Variants in TBCD observed in about 807,000 individuals in gnomAD.
TBCD encodes tubulin folding cofactor D, also known as tubulin-specific chaperone D.
A neutral mutation model predicts 169.3 loss-of-function variants in TBCD; 105 were observed. That is an observed-to-expected ratio of 0.62 (90% CI 0.53 to 0.73). The LOEUF (loss-of-function observed/expected upper bound fraction) is 0.73. Ranked by LOEUF, TBCD falls within the 30% of genes least tolerant of loss-of-function variation. TBCD has a pLI of 0.00. For synonymous variants in TBCD, 700 were observed against 643.9 expected (o/e 1.09, Z -1.32); for missense variants, 1,444 against 1,600.1 (o/e 0.90, Z 1.66).
At chr17:82,900,628 C>G (rs779108155) in intron 17 of TBCD, 23 bp from the exon 18 acceptor site, 1 of 1,606,650 alleles carries the variant, frequency 6.2e-7, no homozygotes. Context: ...CGTCTCACCA[C>G]CTCTCCATGC....
intron 13 of TBCD, chr17:82,830,844 C>G: frequency 6.2e-7 from 1 of 1,612,862 alleles, no homozygotes; most frequent in Non-Finnish European, 8.5e-7. Context: ...CGCTTCCGGT[C>G]GGAGCAGGAG....
chr17:82,904,390 TG>T, intron 19 of TBCD, among the ~76,000 whole-genome samples: 1 of 152,144 alleles, frequency 6.6e-6, no homozygotes, highest in East Asian at 1.9e-4. Flanking sequence ...GGTCTCTAGG[TG>T]GCTTGCACCT....
At chr17:82,760,463 T>C (rs938156856) in intron 2 of TBCD, among the ~76,000 whole-genome samples, 3 of 152,214 alleles carry the variant, frequency 2.0e-5, no homozygotes, top group African/African-American at 4.8e-5. Context: ...GACTTTTTTT[T>C]AGGTTTATTT....
At chr17:82,798,023 C>T (rs982541281) in intron 8 of TBCD, among the ~76,000 whole-genome samples, 1 of 119,808 alleles carries the variant, frequency 8.3e-6, no homozygotes, top group African/African-American at 3.2e-5. Flanking sequence ...GTTGCCCAGG[C>T]TGGATTGCAG....
Position 82,815,680 on chromosome 17 carries a change from C to A in TBCD, c.1318+746C>A, listed in dbSNP as rs189415316. Among the ~76,000 whole-genome samples the A allele has an allele frequency of 4.6e-4, 70 of 152,266 alleles. No homozygotes were observed. The East Asian group carries it at 0.012, about 26-fold the overall frequency. On this transcript the variant is annotated intron_variant, in intron 13 of 38. Coordinates refer to ENST00000355528, the MANE Select transcript of TBCD (RefSeq NM_005993.5). ...TGTCTGTACAGGATAGAGTGGGGGC[C>A]CATCCTGAGAGGGCCTCACCACAGA... is the stretch of plus-strand genomic sequence containing the variant.
At chr17:82,836,435 A>G (rs2145361584) in intron 13 of TBCD, among the ~76,000 whole-genome samples, 1 of 152,376 alleles carries the variant, frequency 6.6e-6, no homozygotes, top group East Asian at 1.9e-4. Flanking sequence ...ATCAAGTGAG[A>G]GCTGCGTCCT....
Position 82,829,025 on chromosome 17 carries a change from GCA to G in TBCD, c.1318+14097_1318+14098del, listed in dbSNP as rs569008956. On this transcript the variant is annotated intron_variant, in intron 13 of 38. Coordinates refer to ENST00000355528, the MANE Select transcript of TBCD (RefSeq NM_005993.5). Reference sequence around the variant, plus strand: ...CACGTGTACACACCCCCGCAGATATGCACACACGCACACCCACAGGATCGAAT... The same window carrying G: ...CACGTGTACACACCCCCGCAGATATGCACACGCACACCCACAGGATCGAAT... 1.0e-3 allele frequency among the ~76,000 whole-genome samples: 136 copies of G among 136,034 alleles called. 1 individual carries two copies. The highest frequency in any genetic ancestry group is 3.7e-3 in the African/African-American group (131 of 35,840). The allele number at this position is 136,034 out of a possible 152,430, so 89.2% of individuals were successfully genotyped here.
At chr17:82,937,840 CCA>C (rs1276583346) in intron 35 of TBCD, 17 of 1,487,960 alleles carry the variant, frequency 1.1e-5, no homozygotes, top group Non-Finnish European at 1.3e-5. Flanking sequence ...TCCTCACTTC[CCA>C]CAGTGACTTT....
intron 7 of TBCD, among the ~76,000 whole-genome samples, chr17:82,784,579 T>C (rs1249284135): frequency 2.0e-5 from 3 of 152,102 alleles, no homozygotes; most frequent in African/African-American, 4.8e-5. Flanking sequence ...AGGTGGTGGA[T>C]TTAGTTGCAA....
At chr17:82,788,791 T>G (rs1017823097) in intron 7 of TBCD, among the ~76,000 whole-genome samples, 3 of 152,190 alleles carry the variant, frequency 2.0e-5, no homozygotes, top group South Asian at 2.1e-4. Context: ...GGCCCTTTGC[T>G]GACTCCGTCT....
chr17:82,845,776 T>C (rs150968284), intron 13 of TBCD, among the ~76,000 whole-genome samples: 1 of 152,364 alleles, frequency 6.6e-6, no homozygotes, highest in Non-Finnish European at 1.5e-5. Context: ...GGCCTCGGTC[T>C]TCCTGTCCGT....
At position 82,833,173 on chromosome 17, in the gene TBCD, A is replaced by G. The variant is rs2145298184; in HGVS notation, c.1318+18239A>G. Among the ~76,000 whole-genome samples the G allele has an allele frequency of 6.6e-6, 1 of 152,146 alleles. No individual in the cohort carries two copies. The highest frequency in any genetic ancestry group is 6.5e-5 in the Admixed American group (1 of 15,282). Reference sequence around the variant, plus strand: ...TTCCCCTTAACATGTACCCACAGTCACAGAGTGCCCCTCACTTTTACACAG... The same window carrying G: ...TTCCCCTTAACATGTACCCACAGTCGCAGAGTGCCCCTCACTTTTACACAG... On this transcript the variant is annotated intron_variant, in intron 13 of 38. Transcript: ENST00000355528. The surrounding 1 kb of genome is among the most constrained non-coding windows in gnomAD (Gnocchi z 4.7).
At position 82,944,959 on chromosome 17, in the gene TBCD, A is replaced by C. The variant is rs984632538; in HGVS notation, c.*2496A>C. 1.3e-5 allele frequency: 2 copies of C among 152,260 alleles called. No individual in the cohort carries two copies. Among genetic ancestry groups the C allele is most frequent in the African/African-American group, 2.4e-5 (1 of 41,462 alleles). 9.4% of individuals were successfully genotyped at this position (152,260 alleles called of 1,614,324 possible). ...ATCTCCCCTGAAGTGGCCTGAATTA[A>C]TACTACCTGTATGATCCCCAAAACT... On this transcript the variant is annotated 3_prime_UTR_variant, in exon 39 of 39. Coordinates refer to ENST00000355528, the MANE Select transcript of TBCD (RefSeq NM_005993.5).
intron 11 of TBCD, among the ~76,000 whole-genome samples, chr17:82,808,232 C>T (rs535926456): frequency 2.6e-5 from 4 of 152,132 alleles, no homozygotes; most frequent in Non-Finnish European, 5.9e-5. Context: ...GCAGGGACAG[C>T]GATACACGTG....
intron 13 of TBCD, among the ~76,000 whole-genome samples, chr17:82,820,842 CTTG>C (rs144479527): frequency 0.014 from 2,035 of 147,524 alleles, 61 homozygotes; most frequent in African/African-American, 0.048. Flanking sequence ...GTTGAGTCCT[CTTG>C]TTGTGTTAAT....
intron 13 of TBCD, among the ~76,000 whole-genome samples, chr17:82,866,758 G>A (rs1181847759): frequency 9.8e-5 from 15 of 152,324 alleles, no homozygotes; most frequent in African/African-American, 2.4e-5. Context: ...TCAGCCCTGC[G>A]GGAGCACAGG....
chr17:82,936,937 A>T (rs2062681232), intron 34 of TBCD, among the ~76,000 whole-genome samples: 2 of 152,144 alleles, frequency 1.3e-5, no homozygotes, highest in African/African-American at 4.8e-5. Context: ...GGAGTGGTGG[A>T]GGAGCACGGG....
At chr17:82,847,297 G>T (rs186140064) in intron 13 of TBCD, among the ~76,000 whole-genome samples, 1 of 146,408 alleles carries the variant, frequency 6.8e-6, no homozygotes, top group East Asian at 2.1e-4. Context: ...AGCTTGCAGT[G>T]AGCCGAGATC....
chr17:82,890,677 A>T lies in TBCD; in HGVS notation c.1563+980A>T, dbSNP rs1294625268. Among the ~76,000 whole-genome samples, 2 of 152,078 alleles carry T rather than the reference A, an allele frequency of 1.3e-5. No individual in the cohort carries two copies. The highest frequency in any genetic ancestry group is 4.8e-5 in the African/African-American group (2 of 41,408). On this transcript the variant is annotated intron_variant, in intron 16 of 38. Coordinates refer to ENST00000355528, the MANE Select transcript of TBCD (RefSeq NM_005993.5). The surrounding 1 kb of genome is among the most constrained non-coding windows in gnomAD (Gnocchi z 5.3). ...TAGACGGAGCCCAGGAAGGGGCGTG[A>T]CTACTTCTTGCTGGCCCGAGGCAGC...
Sources: allele counts gnomAD v4.1 joint callset (sites outside exome capture counted in the v4.1 genomes callset), GRCh38; gene constraint gnomAD v4.1.1; non-coding constraint Gnocchi (gnomAD v3.1); transcripts MANE v1.5; gene names NCBI Gene and HGNC (gene_info 2026-07-23, HGNC 2026-07-21).